The following UGT8 variants were observed in gnomAD, a reference collection of about 807,000 sequenced individuals.
UGT8 encodes the protein UDP glycosyltransferase 8.
In UGT8, 12 loss-of-function variants were observed where a neutral mutation model predicts 40.5. The observed-to-expected ratio is 0.30, with a 90% CI of 0.19 to 0.48. UGT8 has a LOEUF of 0.48. Ranked by LOEUF, UGT8 falls within the 20% of genes least tolerant of loss-of-function variation. The pLI, the probability that UGT8 is intolerant of heterozygous loss-of-function variation, is 0.99. For missense variants in UGT8, 513 were observed against 648.7 expected (o/e 0.79, Z 2.27); for synonymous variants, 224 against 240.4 (o/e 0.93, Z 0.63).
At chr4:114,617,324 G>C (rs1002808717) in intron 1 of UGT8, among the ~76,000 whole-genome samples, 2 of 152,162 alleles carry the variant, frequency 1.3e-5, no homozygotes, top group Non-Finnish European at 2.9e-5. Context: ...CGTTTTGGAT[G>C]TGCACCCCAA....
chr4:114,631,250 G>A (rs1171519294), intron 2 of UGT8, among the ~76,000 whole-genome samples: 1 of 152,184 alleles, frequency 6.6e-6, no homozygotes, highest in Non-Finnish European at 1.5e-5. Flanking sequence ...GGGAGGCTGA[G>A]GCAGGTGGAT....
At chr4:114,621,771 T>C (rs1167100214) in intron 1 of UGT8, among the ~76,000 whole-genome samples, 16 of 152,184 alleles carry the variant, frequency 1.1e-4, no homozygotes, top group Non-Finnish European at 2.4e-4. Flanking sequence ...AGTTTACTGA[T>C]TCAATTTTCT....
At position 114,620,018 on chromosome 4, in the gene UGT8, T is replaced by C. The variant is rs914381882; in HGVS notation, c.-2-2861T>C. 3.3e-4 allele frequency among the ~76,000 whole-genome samples: 50 copies of C among 151,840 alleles called. 2 individuals carry two copies. The highest frequency in any genetic ancestry group is 3.1e-3 in the Admixed American group (47 of 15,230). Reference sequence around the variant, plus strand: ...TAAGATAATTATATCTTGACAATGCTATTCTAAAATATAAGCAGTTCATTA... The same window carrying C: ...TAAGATAATTATATCTTGACAATGCCATTCTAAAATATAAGCAGTTCATTA... On this transcript the variant is annotated intron_variant, in intron 1 of 5. Coordinates refer to ENST00000310836, the MANE Select transcript of UGT8 (RefSeq NM_001128174.3).
chr4:114,657,719 TC>T (rs1463698872), intron 2 of UGT8, among the ~76,000 whole-genome samples: 1 of 152,068 alleles, frequency 6.6e-6, no homozygotes, highest in African/African-American at 2.4e-5. Context: ...AATGTGGATA[TC>T]ATTTCAGTCC....
chr4:114,673,284 CA>C (rs1354258091), intron 5 of UGT8, among the ~76,000 whole-genome samples: 4 of 152,172 alleles, frequency 2.6e-5, no homozygotes, highest in Non-Finnish European at 5.9e-5. Context: ...AGACCAGTTT[CA>C]GCATGGAAAA....
At chr4:114,640,255 C>T (rs1485484079) in intron 2 of UGT8, among the ~76,000 whole-genome samples, 1 of 151,988 alleles carries the variant, frequency 6.6e-6, no homozygotes. Context: ...TGGTCTCGAT[C>T]TCCTGACCTT....
In UGT8 at chr4:114,630,017, G is replaced by A. The variant is rs116314498; in HGVS notation, c.822+6315G>A. 7.4e-3 allele frequency among the ~76,000 whole-genome samples: 1,131 copies of A among 152,160 alleles called. 10 individuals carry two copies. The highest frequency in any genetic ancestry group is 0.025 in the African/African-American group (1,019 of 41,514). The stretch of plus-strand genomic sequence containing the variant: ...AAATTACTGTTGACACCAGTTTTGG[G>A]GGATGATATTCTTCACAAATACTCT... On this transcript the variant is annotated intron_variant, in intron 2 of 5. Transcript: ENST00000310836.
At chr4:114,616,389 C>A (rs1301324921) in intron 1 of UGT8, among the ~76,000 whole-genome samples, 1 of 152,188 alleles carries the variant, frequency 6.6e-6, no homozygotes, top group Non-Finnish European at 1.5e-5. Flanking sequence ...GGGCGTAGGA[C>A]CCTCTGAGCC....
At chr4:114,631,369 G>A (rs1732561109) in intron 2 of UGT8, among the ~76,000 whole-genome samples, 1 of 152,086 alleles carries the variant, frequency 6.6e-6, no homozygotes, top group Non-Finnish European at 1.5e-5. Flanking sequence ...TGCCTATAGT[G>A]CCAGCTACTC....
At chr4:114,603,918 G>C (rs139191209) in intron 1 of UGT8, among the ~76,000 whole-genome samples, 84 of 152,294 alleles carry the variant, frequency 5.5e-4, no homozygotes, top group African/African-American at 2.0e-3. Context: ...AATTCACAGA[G>C]AGTGATTGAA....
Position 114,623,360 on chromosome 4 carries a change from T to G in UGT8, c.480T>G (p.Thr160=). ...LLGVKYAVFS[T]GLWYPAEVGA... The stretch of plus-strand genomic sequence containing the variant: ...GGGTTAAATATGCTGTATTTTCAAC[T>G]GGCCTTTGGTATCCTGCTGAAGTGG... Residue 160 remains threonine, a synonymous_variant, in exon 2 of 6, where the codon ACT becomes ACG. Transcript: ENST00000310836. The G allele has an allele frequency of 1.2e-6, 2 of 1,614,204 alleles. No individual in the cohort carries two copies. The highest frequency in any genetic ancestry group is 4.5e-5 in the East Asian group (2 of 44,890).
chr4:114,631,088 C>G (rs1732542179), intron 2 of UGT8, among the ~76,000 whole-genome samples: 1 of 152,164 alleles, frequency 6.6e-6, no homozygotes, highest in African/African-American at 2.4e-5. Flanking sequence ...CTTCTAAGAT[C>G]TAAGGTTCAG....
chr4:114,651,623 G>A (rs1733900473), intron 2 of UGT8, among the ~76,000 whole-genome samples: 1 of 152,014 alleles, frequency 6.6e-6, no homozygotes, highest in Non-Finnish European at 1.5e-5. Flanking sequence ...TTAAGCATAT[G>A]CAGAGAATCT....
chr4:114,648,539 T>G (rs900218921), intron 2 of UGT8, among the ~76,000 whole-genome samples: 1 of 152,156 alleles, frequency 6.6e-6, no homozygotes, highest in Non-Finnish European at 1.5e-5. Flanking sequence ...TTGTCATGGA[T>G]TATAATTAAA....
chr4:114,616,070 C>CTG (rs1553931929), intron 1 of UGT8, among the ~76,000 whole-genome samples: 1 of 152,174 alleles, frequency 6.6e-6, no homozygotes, highest in Non-Finnish European at 1.5e-5. Context: ...AGGAGGCAGT[C>CTG]TGCCCGTTCT....
At chr4:114,641,267 A>C (rs550543764) in intron 2 of UGT8, among the ~76,000 whole-genome samples, 1 of 152,206 alleles carries the variant, frequency 6.6e-6, no homozygotes, top group Admixed American at 6.5e-5. Flanking sequence ...TAAGAGCATC[A>C]TTAGGAGCTT....
In UGT8 at chr4:114,676,959, G is replaced by A. The variant is rs1486032082; in HGVS notation, c.*671G>A. The A allele has an allele frequency of 6.6e-6, 1 of 151,158 alleles. No homozygotes were observed. Among genetic ancestry groups the A allele is most frequent in the Non-Finnish European group, 1.5e-5 (1 of 67,866 alleles). 9.4% of individuals were successfully genotyped at this position (151,158 alleles called of 1,614,324 possible). ...TGTTTTTCTTTTCTGATAGAGTATG[G>A]CCACTTCTGGGGGAAAAACATGTAA... is the stretch of plus-strand genomic sequence containing the variant. On this transcript the variant is annotated 3_prime_UTR_variant, in exon 6 of 6. Transcript: ENST00000310836.
intron 2 of UGT8, among the ~76,000 whole-genome samples, chr4:114,662,048 A>G (rs182123710): frequency 3.4e-4 from 52 of 152,346 alleles, no homozygotes; most frequent in Admixed American, 2.5e-3. Context: ...TACTTGGTAA[A>G]TGTAGCAGAA....
intron 2 of UGT8, among the ~76,000 whole-genome samples, chr4:114,628,415 C>T (rs1174523332): frequency 6.6e-6 from 1 of 152,148 alleles, no homozygotes; most frequent in African/African-American, 2.4e-5. Context: ...GCTGGGATTA[C>T]AGGCATGAGC....
Sources: allele counts gnomAD v4.1 joint callset (sites outside exome capture counted in the v4.1 genomes callset), GRCh38; gene constraint gnomAD v4.1.1; transcripts MANE v1.5; gene names NCBI Gene and HGNC (gene_info 2026-07-23, HGNC 2026-07-21).